The following KHNYN variants were observed in gnomAD, a reference collection of about 807,000 sequenced individuals.
KHNYN encodes the protein KH and NYN domain containing, also known as protein KHNYN.
KHNYN carries 42 observed loss-of-function variants against 62.7 expected under a neutral mutation model. The observed-to-expected ratio is 0.67, with a 90% CI of 0.52 to 0.87. The LOEUF is 0.87. Ranked by LOEUF, KHNYN falls within the 40% of genes least tolerant of loss-of-function variation. KHNYN has a pLI of 0.00. For synonymous variants in KHNYN, 347 were observed against 345.6 expected, an observed-to-expected ratio of 1.00 and a Z score of -0.04; for missense variants, 829 against 874.1, an observed-to-expected ratio of 0.95 and a Z score of 0.65.
chr14:24,436,345 C>A, intron 6 of KHNYN, 43 bp from the exon 7 acceptor site: 5 of 1,566,414 alleles, frequency 3.2e-6, no homozygotes, highest in Non-Finnish European at 4.4e-6. Context: ...GGGAGGTGGG[C>A]AAGGGCCCCC....
At chr14:24,429,885 G>A, upstream of KHNYN, 1 of 1,013,718 alleles carries the variant, frequency 9.9e-7, no homozygotes, top group Middle Eastern at 5.0e-4. Flanking sequence ...CGGCGGGGTT[G>A]GGAGGAGGGC....
At position 24,436,197 on chromosome 14, in the gene KHNYN, C is replaced by T; in HGVS notation, c.1685+18C>T. 3 of 1,591,282 alleles carry T rather than the reference C, an allele frequency of 1.9e-6. No individual in the cohort carries two copies. Among genetic ancestry groups the T allele is most frequent in the Non-Finnish European group, 2.6e-6 (3 of 1,159,346 alleles). On this transcript the variant is annotated intron_variant, in intron 6 of 7. Transcript: ENST00000553935. Reference sequence around the variant, plus strand: ...AGAGAACGGTGAGGGAGCCCTCCCGCTGAGAACTGGGCACAGATGCAGATG... The same window carrying T: ...AGAGAACGGTGAGGGAGCCCTCCCGTTGAGAACTGGGCACAGATGCAGATG...
rs2043223805 is a variant in KHNYN at position 24,437,373 on chromosome 14, C to T, written c.*88C>T. 1.3e-6 allele frequency: 2 copies of T among 1,488,718 alleles called. No individual in the cohort carries two copies. Among genetic ancestry groups the T allele is most frequent in the Non-Finnish European group, 1.8e-6 (2 of 1,103,708 alleles). The allele number at this position is 1,488,718 out of a possible 1,614,324, so 92.2% of individuals were successfully genotyped here. On this transcript the variant is annotated 3_prime_UTR_variant, in exon 8 of 8. Transcript: ENST00000553935. This position sits in a 1 kb window ranked among gnomAD's most constrained non-coding sequence, Gnocchi z 5.5. ...TGTGAGAGTCCCTCTGCTGCTCACT[C>T]TGATCCAGAGGCACCCTGAGTTGGT...
Position 24,430,876 on chromosome 14 carries a change from AC to A in KHNYN, c.151del (p.His51ThrfsTer20), listed in dbSNP as rs1555328684. 6 of 1,613,732 alleles carry A rather than the reference AC, an allele frequency of 3.7e-6. No individual in the cohort carries two copies. The highest frequency in any genetic ancestry group is 5.1e-6 in the Non-Finnish European group (6 of 1,179,872). ...GTCCTTCCGAAGGACTGTCCGGACAACCCCCACATCTGGCTGCAGCTGGAGG... is the reference window on the plus strand; with the variant it reads ...GTCCTTCCGAAGGACTGTCCGGACAACCCCACATCTGGCTGCAGCTGGAGG... ...VSVLPKDCPD[N>X]PHIWLQLEGP... On this transcript the variant is annotated frameshift_variant, in exon 2 of 8. Coordinates refer to ENST00000553935, the MANE Select transcript of KHNYN (RefSeq NM_015299.3). LOFTEE classifies it high-confidence loss of function.
Position 24,440,217 on chromosome 14 carries a change from G to C in KHNYN, c.*2932G>C, listed in dbSNP as rs1157260881. 2 of 1,614,002 alleles carry C rather than the reference G, an allele frequency of 1.2e-6. No individual in the cohort carries two copies. Among genetic ancestry groups the C allele is most frequent in the Admixed American group, 3.3e-5 (2 of 60,028 alleles). The stretch of plus-strand genomic sequence containing the variant: ...GCACGCTGTCGCCCAAAGACAGCTT[G>C]CACCACAGCGCTGGGGAGAGGGATG... On this transcript the variant is annotated 3_prime_UTR_variant, in exon 8 of 8. Coordinates refer to ENST00000553935, the MANE Select transcript of KHNYN (RefSeq NM_015299.3).
chr14:24,434,984 A>G lies in KHNYN; in HGVS notation c.1578-1088A>G, dbSNP rs556006431. ...TCTGGCTGGGGTTTTGTGGGAAAGG[A>G]GAGATTTGTGAGTTTTTGTGTTGAG... is the stretch of plus-strand genomic sequence containing the variant. On this transcript the variant is annotated intron_variant, in intron 5 of 7. Transcript: ENST00000553935. Among the ~76,000 whole-genome samples the G allele has an allele frequency of 4.1e-4, 62 of 152,234 alleles. 1 individual carries two copies. The highest frequency in any genetic ancestry group is 1.2e-3 in the East Asian group (6 of 5,180).
At chr14:24,427,951 T>G (rs144101051), upstream of KHNYN, 26 of 1,613,634 alleles carry the variant, frequency 1.6e-5, no homozygotes, top group African/African-American at 4.0e-5. This position sits in a 1 kb window ranked among gnomAD's most constrained non-coding sequence, Gnocchi z 4.4. Flanking sequence ...TGGCAAAGGC[T>G]GAGATGACAG....
At position 24,440,632 on chromosome 14, in the gene KHNYN, T is replaced by G; in HGVS notation, c.*3347T>G. The G allele has an allele frequency of 7.4e-7, 1 of 1,354,982 alleles. No individual in the cohort carries two copies. The highest frequency in any genetic ancestry group is 1.0e-6 in the Non-Finnish European group (1 of 977,140). The allele number at this position is 1,354,982 out of a possible 1,614,324, so 83.9% of individuals were successfully genotyped here. On this transcript the variant is annotated 3_prime_UTR_variant, in exon 8 of 8. Coordinates refer to ENST00000553935, the MANE Select transcript of KHNYN (RefSeq NM_015299.3). ...ACAGAAGTGAGCAGTATGGCTGTCT[T>G]TAAGACCTCACACCTTCTCATCTGC...
rs1254076426 is a variant in KHNYN at position 24,439,389 on chromosome 14, A to G, written c.*2104A>G. On this transcript the variant is annotated 3_prime_UTR_variant, in exon 8 of 8. Transcript: ENST00000553935. Reference sequence around the variant, plus strand: ...AGGGATGTTGACTTTGTTCTGCTGCAGCCTGATAAACTGGGACCACTGTGT... The same window carrying G: ...AGGGATGTTGACTTTGTTCTGCTGCGGCCTGATAAACTGGGACCACTGTGT... 2.0e-5 allele frequency: 3 copies of G among 152,244 alleles called. No homozygotes were observed. Among genetic ancestry groups the G allele is most frequent in the African/African-American group, 7.2e-5 (3 of 41,440 alleles). 9.4% of individuals were successfully genotyped at this position (152,244 alleles called of 1,614,324 possible). A position where few individuals can be genotyped will look rare whatever the true frequency, so the allele number is the denominator to read the frequency against.
At chr14:24,428,824 G>C (rs764124635), upstream of KHNYN, 1 of 1,612,836 alleles carries the variant, frequency 6.2e-7, no homozygotes, top group Admixed American at 1.7e-5. Flanking sequence ...GGTGGCTTCG[G>C]ACCGCAGCAA....
rs2043289172 is a variant in KHNYN, at chr14:24,440,358, T to TCAG, written c.*3074_*3076dup. On this transcript the variant is annotated 3_prime_UTR_variant, in exon 8 of 8. Transcript: ENST00000553935. Reference sequence around the variant, plus strand: ...ACGTGGTTTGCTTCAAGGGCATGGGTCAGGATTCCTGCCAGGTCCCCGATG... The same window carrying TCAG: ...ACGTGGTTTGCTTCAAGGGCATGGGTCAGCAGGATTCCTGCCAGGTCCCCGATG... The TCAG allele has an allele frequency of 2.5e-6, 4 of 1,613,912 alleles. No individual in the cohort carries two copies. Among genetic ancestry groups the TCAG allele is most frequent in the Non-Finnish European group, 3.4e-6 (4 of 1,179,854 alleles).
chr14:24,436,312 G>T, intron 6 of KHNYN, 76 bp from the exon 7 acceptor site: 1 of 1,439,712 alleles, frequency 6.9e-7, no homozygotes, highest in South Asian at 1.2e-5. Context: ...AGCAGCTTCT[G>T]GTGATACTGG....
rs748104676 is a variant in KHNYN at position 24,441,729 on chromosome 14, T to G, written c.*4444T>G. ...GGGGTTGTGGGGCTTTGGTGATGGC[T>G]TTAGCCAGCAATTGGGTGGTCTCTA... is the stretch of plus-strand genomic sequence containing the variant. On this transcript the variant is annotated 3_prime_UTR_variant, in exon 8 of 8. Coordinates refer to ENST00000553935, the MANE Select transcript of KHNYN (RefSeq NM_015299.3). 4 of 1,602,136 alleles carry G rather than the reference T, an allele frequency of 2.5e-6. No homozygotes were observed. The highest frequency in any genetic ancestry group is 3.4e-6 in the Non-Finnish European group (4 of 1,176,692).
In KHNYN at chr14:24,439,919, C is replaced by T. The variant is rs1291028606; in HGVS notation, c.*2634C>T. 2.3e-5 allele frequency: 14 copies of T among 606,022 alleles called. No homozygotes were observed. Among genetic ancestry groups the T allele is most frequent in the East Asian group, 5.6e-5 (2 of 35,570 alleles). The allele number at this position is 606,022 out of a possible 1,614,324, so 37.5% of individuals were successfully genotyped here. A position where few individuals can be genotyped will look rare whatever the true frequency, so the allele number is the denominator to read the frequency against. ...TTAATGTCCCAACCTGATGAGATTA[C>T]GGCCTTGAGACAATAAGGTGGAGCA... On this transcript the variant is annotated 3_prime_UTR_variant, in exon 8 of 8. Transcript: ENST00000553935.
chr14:24,429,834 G>C, upstream of KHNYN: 1 of 1,042,590 alleles, frequency 9.6e-7, no homozygotes, highest in Non-Finnish European at 1.2e-6. Context: ...AGCCGCCGAG[G>C]GGACTAGGCC....
chr14:24,425,846 T>C (rs895799402), upstream of KHNYN, among the ~76,000 whole-genome samples: 2 of 152,210 alleles, frequency 1.3e-5, no homozygotes, highest in South Asian at 4.1e-4. Flanking sequence ...TCTTCTTAGT[T>C]GCAAAATATA....
chr14:24,432,743 C>T lies in KHNYN; in HGVS notation c.1371C>T (p.Phe457=). The T allele has an allele frequency of 6.2e-7, 1 of 1,614,232 alleles. No homozygotes were observed. Among genetic ancestry groups the T allele is most frequent in the Non-Finnish European group, 8.5e-7 (1 of 1,180,044 alleles). ...VAMVHGLQHY[F]SSRGIAIAVQ... ...ACAGGCATGGCCTCCAGCACTACTT[C>T]TCCAGCCGGGGCATTGCCATTGCTG... The change falls in exon 4 of 8, where the codon TTC becomes TTT. Residue 457 remains phenylalanine, a synonymous_variant. Transcript: ENST00000553935. This position sits in a 1 kb window ranked among gnomAD's most constrained non-coding sequence, Gnocchi z 5.6.
At chr14:24,429,023 C>A, upstream of KHNYN, 1 of 1,524,718 alleles carries the variant, frequency 6.6e-7, no homozygotes, top group Non-Finnish European at 8.8e-7. Flanking sequence ...GTGTAGGGGA[C>A]CTGGTAGCCA....
the KHNYN span, among the ~76,000 whole-genome samples, chr14:24,423,645 G>C: frequency 2.6e-5 from 4 of 152,234 alleles, no homozygotes; most frequent in Admixed American, 2.6e-4. Context: ...TGGGGAAGAT[G>C]AGGGGCAGCT....
Sources: allele counts gnomAD v4.1 joint callset (sites outside exome capture counted in the v4.1 genomes callset), GRCh38; gene constraint gnomAD v4.1.1; non-coding constraint Gnocchi (gnomAD v3.1); transcripts MANE v1.5; gene names NCBI Gene and HGNC (gene_info 2026-07-23, HGNC 2026-07-21).